PARD3: variants seen among roughly 807,000 people sequenced by gnomAD.
PARD3 encodes the protein par-3 family cell polarity regulator.
In PARD3, 75 loss-of-function variants were observed where a neutral mutation model predicts 155.4. That is an observed-to-expected ratio of 0.48 (90% CI 0.40 to 0.58). The LOEUF (loss-of-function observed/expected upper bound fraction) is 0.58, where lower values mean the gene tolerates loss of function less well. Among genes scored for constraint, PARD3 ranks in the 20% least tolerant of loss-of-function variants. The pLI is 0.00. For synonymous variants in PARD3, 576 were observed against 610.5 expected (o/e 0.94, Z 0.83); for missense variants, 1,642 against 1,721.7 (o/e 0.95, Z 0.82).
At chr10:34,724,721 T>C (rs115005942) in intron 1 of PARD3, among the ~76,000 whole-genome samples, 1,681 of 152,284 alleles carry the variant, frequency 0.011, 28 homozygotes, top group African/African-American at 0.039. Context: ...GGCAGGGGTG[T>C]AGAGGTGAAG....
At chr10:34,164,576 C>T (rs1387598504) in intron 22 of PARD3, among the ~76,000 whole-genome samples, 5 of 152,200 alleles carry the variant, frequency 3.3e-5, no homozygotes, top group Admixed American at 6.5e-5. Flanking sequence ...TGATCATAAG[C>T]AGGCGTCTGA....
At position 34,331,180 on chromosome 10, in the gene PARD3, C is replaced by A. The variant is rs138621685; in HGVS notation, c.2770G>T (p.Ala924Ser). ...RGRGCNESFRAAIDKSYDKPA... is the reference protein window; with the variant it reads ...RGRGCNESFRSAIDKSYDKPA... ...TTATCATAAGATTTGTCGATGGCAG[C>A]TCTGAAGCTCTCATTGCATCCCCTG... The change falls in exon 19 of 25, where the codon GCT becomes TCT. Residue 924 changes from alanine to serine, a missense_variant. Physicochemically the swap from Ala to Ser is moderately conservative, Grantham distance 99. This residue lies in a region of PARD3 where 1,529 missense variants were observed against 1,587.3 expected (regional missense o/e 0.96). Coordinates refer to ENST00000374788, the MANE Select transcript of PARD3 (RefSeq NM_001184785.2). 10 of 1,613,962 alleles carry A rather than the reference C, an allele frequency of 6.2e-6. No homozygotes were observed. The highest frequency in any genetic ancestry group is 1.3e-5 in the African/African-American group (1 of 74,896).
intron 24 of PARD3, among the ~76,000 whole-genome samples, chr10:34,114,606 T>C (rs1257001173): frequency 1.3e-5 from 2 of 152,114 alleles, no homozygotes; most frequent in African/African-American, 2.4e-5. Context: ...CAGCCTCCCA[T>C]AGTCCTGGGA....
chr10:34,431,081 G>C (rs963600764), intron 5 of PARD3, among the ~76,000 whole-genome samples: 1 of 152,154 alleles, frequency 6.6e-6, no homozygotes, highest in African/African-American at 2.4e-5. Context: ...TTTTAGCCCA[G>C]GTTGAGGCCT....
intron 2 of PARD3, among the ~76,000 whole-genome samples, chr10:34,586,529 T>C (rs1426066143): frequency 1.3e-5 from 2 of 152,130 alleles, no homozygotes; most frequent in African/African-American, 4.8e-5. Context: ...CACTGAGCCA[T>C]AAGAACACTA....
chr10:34,347,811 T>C, intron 15 of PARD3, 154 bp downstream of exon 15: 1 of 549,750 alleles, frequency 1.8e-6, no homozygotes. Flanking sequence ...TGAATGATTT[T>C]AATAAACCTG....
intron 23 of PARD3, among the ~76,000 whole-genome samples, chr10:34,125,301 G>A (rs1372115357): frequency 6.6e-6 from 1 of 151,878 alleles, no homozygotes; most frequent in African/African-American, 2.4e-5. Flanking sequence ...TCCTGACCTC[G>A]GGATCCACCC....
At chr10:34,451,897 AG>A (rs2077081694) in intron 4 of PARD3, among the ~76,000 whole-genome samples, 1 of 152,004 alleles carries the variant, frequency 6.6e-6, no homozygotes, top group Non-Finnish European at 1.5e-5. Flanking sequence ...TTAAAACTTA[AG>A]CTTCAGAAAA....
Position 34,228,934 on chromosome 10 carries a change from C to G in PARD3, c.3419+40723G>C, listed in dbSNP as rs144499761. 2.0e-4 allele frequency among the ~76,000 whole-genome samples: 30 copies of G among 152,116 alleles called. No individual in the cohort carries two copies. In the East Asian group the frequency reaches 5.0e-3, roughly 25 times the overall value. ...TTTTATTCCTGTAGTCACCACACCT[C>G]GTCTGAGATCACACTTCTTTCCTCT... On this transcript the variant is annotated intron_variant, in intron 22 of 24. Transcript: ENST00000374788.
chr10:34,415,962 T>C (rs1214603699), intron 5 of PARD3, among the ~76,000 whole-genome samples: 1 of 152,148 alleles, frequency 6.6e-6, no homozygotes, highest in African/African-American at 2.4e-5. Context: ...AACTGAGTGG[T>C]CATAGATTTA....
chr10:34,569,696 C>T lies in PARD3; in HGVS notation c.223-52537G>A, dbSNP rs749518189. Among the ~76,000 whole-genome samples the T allele has an allele frequency of 2.4e-4, 36 of 152,168 alleles. No homozygotes were observed. In the South Asian group the frequency reaches 2.7e-3, roughly 11 times the overall value. ...CCTGCCAAAGTGCTGGGATTACAGG[C>T]GTGAGCCACCGTGCCCGGCACCTAC... On this transcript the variant is annotated intron_variant, in intron 2 of 24. Coordinates refer to ENST00000374788, the MANE Select transcript of PARD3 (RefSeq NM_001184785.2).
In PARD3 at chr10:34,284,218, C is replaced by CT; in HGVS notation, c.3092dup (p.Ile1032AspfsTer2). The CT allele has an allele frequency of 6.2e-7, 1 of 1,609,664 alleles. No homozygotes were observed. Among genetic ancestry groups the CT allele is most frequent in the Non-Finnish European group, 8.5e-7 (1 of 1,177,886 alleles). On this transcript the variant is annotated frameshift_variant, in exon 21 of 25. Coordinates refer to ENST00000374788, the MANE Select transcript of PARD3 (RefSeq NM_001184785.2). LOFTEE classifies it high-confidence loss of function. Reference sequence around the variant, plus strand: ...TTTTTATTTTACCCGTTTTCTCAATCTTGTCATCTTTTCGATGTTTGCCAA... The same window carrying CT: ...TTTTTATTTTACCCGTTTTCTCAATCTTTGTCATCTTTTCGATGTTTGCCAA...
intron 22 of PARD3, among the ~76,000 whole-genome samples, chr10:34,203,209 G>A (rs1165269423): frequency 6.6e-6 from 1 of 152,030 alleles, no homozygotes; most frequent in East Asian, 1.9e-4. Flanking sequence ...ATTTGCCTCC[G>A]CCAATAAATA....
intron 2 of PARD3, among the ~76,000 whole-genome samples, chr10:34,521,364 CAAA>C (rs35030184): frequency 0.023 from 2,099 of 90,490 alleles, 43 homozygotes; most frequent in African/African-American, 0.074. Context: ...AGTAACACAG[CAAA>C]AAAAAAAAAA....
intron 20 of PARD3, among the ~76,000 whole-genome samples, chr10:34,295,968 AAAG>A (rs1956889168): frequency 6.6e-6 from 1 of 152,186 alleles, no homozygotes; most frequent in South Asian, 2.1e-4. Context: ...AAGAACGCGG[AAAG>A]AAGGAAAACT....
At chr10:34,447,804 C>CAAAAAA (rs59698806) in intron 5 of PARD3, among the ~76,000 whole-genome samples, 12 of 143,504 alleles carry the variant, frequency 8.4e-5, no homozygotes, top group South Asian at 2.2e-4. Flanking sequence ...GACTCTGTCT[C>CAAAAAA]AAAAGAAAGA....
rs1339701950 is a variant in PARD3 at position 34,111,332 on chromosome 10, G to A, written c.3899C>T (p.Pro1300Leu). The change falls in exon 25 of 25, where the codon CCT becomes CTT. Residue 1300 changes from proline (P) to leucine (L), a missense_variant. By Grantham distance (98) the Pro-to-Leu change is moderately conservative (BLOSUM62 -3). Coordinates refer to ENST00000374788, the MANE Select transcript of PARD3 (RefSeq NM_001184785.2). Reference sequence around the variant, plus strand: ...GTCATAGTTGCTGGGCCCCTCGGAAGGAGGCTGCTTCTTCATCTGCTGCTC... The same window carrying A: ...GTCATAGTTGCTGGGCCCCTCGGAAAGAGGCTGCTTCTTCATCTGCTGCTC... ...RKEQQMKKQP[P>L]SEGPSNYDSY... is the part of the protein sequence containing the mutation. 1 of 1,613,968 alleles carries A rather than the reference G, an allele frequency of 6.2e-7. No individual in the cohort carries two copies. Among genetic ancestry groups the A allele is most frequent in the African/African-American group, 1.3e-5 (1 of 75,034 alleles).
chr10:34,317,401 A>G, intron 19 of PARD3, 63 bp from the exon 20 acceptor site: 2 of 1,523,348 alleles, frequency 1.3e-6, no homozygotes, highest in South Asian at 1.3e-5. Context: ...TAATAAAGCT[A>G]AAATACATTC....
At chr10:34,812,366 C>T (rs553394883) in intron 1 of PARD3, among the ~76,000 whole-genome samples, 19 of 152,222 alleles carry the variant, frequency 1.2e-4, no homozygotes, top group Non-Finnish European at 2.2e-4. Flanking sequence ...GCAACCTAAA[C>T]ACCACTCCAC....
Sources: allele counts gnomAD v4.1 joint callset (sites outside exome capture counted in the v4.1 genomes callset), GRCh38; gene constraint gnomAD v4.1.1; regional missense constraint gnomAD v4.1.1; transcripts MANE v1.5; gene names NCBI Gene and HGNC (gene_info 2026-07-23, HGNC 2026-07-21).